LHFPL3: variants seen among roughly 807,000 people sequenced by gnomAD.
LHFPL3 encodes LHFPL tetraspan subfamily member 3 protein.
Under a neutral mutation model 19.3 loss-of-function variants are expected in LHFPL3, and 5 were observed. That is an observed-to-expected ratio of 0.26 (90% confidence interval 0.14 to 0.54). The LOEUF is 0.54. Ranked by LOEUF, LHFPL3 falls within the 20% of genes least tolerant of loss-of-function variation. The pLI is 0.94. For missense variants in LHFPL3, 249 were observed against 307.4 expected, an observed-to-expected ratio of 0.81 and a Z score of 1.42; for synonymous variants, 133 against 126.2, an observed-to-expected ratio of 1.05 and a Z score of -0.36.
chr7:104,595,923 G>A (rs1250011092), intron 1 of LHFPL3, among the ~76,000 whole-genome samples: 1 of 152,242 alleles, frequency 6.6e-6, no homozygotes. Flanking sequence ...GGGAACAACA[G>A]AATATTGGGG....
chr7:104,900,391 G>A (rs144639213), intron 2 of LHFPL3, among the ~76,000 whole-genome samples: 1 of 152,316 alleles, frequency 6.6e-6, no homozygotes, highest in East Asian at 1.9e-4. Context: ...AAAAACACAT[G>A]AGAAAGTGTT....
chr7:104,820,985 C>G (rs184593521), intron 2 of LHFPL3, among the ~76,000 whole-genome samples: 17 of 152,190 alleles, frequency 1.1e-4, no homozygotes, highest in African/African-American at 4.1e-4. Context: ...GACTGCGTTT[C>G]CCCTCCCCCT....
chr7:104,859,519 A>C (rs2116632125), intron 2 of LHFPL3, among the ~76,000 whole-genome samples: 1 of 151,588 alleles, frequency 6.6e-6, no homozygotes, highest in Non-Finnish European at 1.5e-5. Context: ...AAACACAAAA[A>C]TTAGCAGGGC....
chr7:104,592,032 G>A (rs1185506140), intron 1 of LHFPL3, among the ~76,000 whole-genome samples: 1 of 152,034 alleles, frequency 6.6e-6, no homozygotes, highest in African/African-American at 2.4e-5. Context: ...TTTTTTCAAC[G>A]TTTTTAGCTT....
intron 1 of LHFPL3, among the ~76,000 whole-genome samples, chr7:104,466,485 A>T (rs1358236053): frequency 1.3e-5 from 2 of 152,228 alleles, no homozygotes; most frequent in African/African-American, 4.8e-5. Context: ...TGGTGCTACT[A>T]CTAAAAATAT....
chr7:104,711,533 C>G (rs993788947), intron 1 of LHFPL3, among the ~76,000 whole-genome samples: 1 of 152,160 alleles, frequency 6.6e-6, no homozygotes, highest in Non-Finnish European at 1.5e-5. Context: ...GTAAGATAGC[C>G]CCAAGTCATG....
At chr7:104,517,749 C>T (rs948088201) in intron 1 of LHFPL3, among the ~76,000 whole-genome samples, 1 of 152,158 alleles carries the variant, frequency 6.6e-6, no homozygotes, top group Admixed American at 6.5e-5. Context: ...CTCAGGTGAT[C>T]TACCCACCTT....
chr7:104,830,770 G>T (rs1335802369), intron 2 of LHFPL3, among the ~76,000 whole-genome samples: 13 of 151,954 alleles, frequency 8.6e-5, no homozygotes, highest in African/African-American at 3.2e-4. Flanking sequence ...GCAGCGTGAT[G>T]CCTCCAGCTT....
intron 2 of LHFPL3, among the ~76,000 whole-genome samples, chr7:104,875,419 C>A (rs186549201): frequency 6.6e-6 from 1 of 152,308 alleles, no homozygotes; most frequent in African/African-American, 2.4e-5. Flanking sequence ...GCTGCCTATA[C>A]CTGGCCTGAG....
intron 1 of LHFPL3, among the ~76,000 whole-genome samples, chr7:104,520,836 C>CT (rs1794043080): frequency 6.8e-6 from 1 of 147,836 alleles, no homozygotes; most frequent in South Asian, 2.2e-4. Context: ...ATTCTTCTCT[C>CT]TTTTTTTCTT....
At chr7:104,825,470 C>T (rs1217524934) in intron 2 of LHFPL3, among the ~76,000 whole-genome samples, 1 of 151,870 alleles carries the variant, frequency 6.6e-6, no homozygotes, top group Non-Finnish European at 1.5e-5. Context: ...CCCATTAGAG[C>T]CTCCATTTCC....
intron 2 of LHFPL3, among the ~76,000 whole-genome samples, chr7:104,852,202 G>A (rs1448252140): frequency 3.9e-5 from 6 of 152,088 alleles, no homozygotes; most frequent in African/African-American, 1.4e-4. Flanking sequence ...TTAACTGTAA[G>A]ACATAATTAA....
At chr7:104,567,460 C>CA (rs1790145879) in intron 1 of LHFPL3, among the ~76,000 whole-genome samples, 1 of 152,186 alleles carries the variant, frequency 6.6e-6, no homozygotes, top group African/African-American at 2.4e-5. Flanking sequence ...AATGTACTGG[C>CA]ATCCTCAAAG....
chr7:104,476,008 A>T (rs1793005058), intron 1 of LHFPL3, among the ~76,000 whole-genome samples: 1 of 152,048 alleles, frequency 6.6e-6, no homozygotes, highest in African/African-American at 2.4e-5. Context: ...GCCTGGGTGT[A>T]GCATGCCTTG....
At chr7:104,647,783 G>A (rs1176121334) in intron 1 of LHFPL3, among the ~76,000 whole-genome samples, 1 of 152,192 alleles carries the variant, frequency 6.6e-6, no homozygotes, top group Non-Finnish European at 1.5e-5. Flanking sequence ...GGAAGAAGGA[G>A]AAAGAGGAAG....
chr7:104,379,388 T>C (rs985204953), intron 1 of LHFPL3, among the ~76,000 whole-genome samples: 3 of 152,186 alleles, frequency 2.0e-5, no homozygotes, highest in African/African-American at 4.8e-5. Context: ...CCTTGTAAGA[T>C]TGTAAGTCTG....
chr7:104,595,284 G>T (rs1213835342), intron 1 of LHFPL3, among the ~76,000 whole-genome samples: 3 of 152,142 alleles, frequency 2.0e-5, no homozygotes, highest in Admixed American at 2.0e-4. Flanking sequence ...AGTTTTCCTT[G>T]TAACAATCAG....
chr7:104,403,989 C>A (rs1313972979), intron 1 of LHFPL3, among the ~76,000 whole-genome samples: 1 of 152,196 alleles, frequency 6.6e-6, no homozygotes, highest in Admixed American at 6.5e-5. Context: ...TTTATTGGAA[C>A]ACAGCCATGC....
intron 1 of LHFPL3, among the ~76,000 whole-genome samples, chr7:104,631,341 T>C (rs1446117570): frequency 6.6e-6 from 1 of 152,058 alleles, no homozygotes; most frequent in East Asian, 1.9e-4. Context: ...ACTACTCAGC[T>C]ATGTCCCCCC....
Sources: allele counts gnomAD v4.1 joint callset (sites outside exome capture counted in the v4.1 genomes callset), GRCh38; gene constraint gnomAD v4.1.1; transcripts MANE v1.5; gene names NCBI Gene and HGNC (gene_info 2026-07-23, HGNC 2026-07-21).